SH3D19: variants seen among roughly 807,000 people sequenced by gnomAD.
The protein encoded by SH3D19 is SH3 domain-containing protein 19.
SH3D19 carries 58 observed loss-of-function variants against 112.1 expected under a neutral mutation model. The ratio of observed to expected loss-of-function variants is 0.52; its 90% CI spans 0.42 to 0.64. The LOEUF (loss-of-function observed/expected upper bound fraction) is 0.64, where lower values mean the gene tolerates loss of function less well. SH3D19 is among the 30% of genes least tolerant of loss of function. The pLI is 0.00. For synonymous variants in SH3D19, 391 were observed against 448.5 expected (o/e 0.87, Z 1.62); for missense variants, 1,090 against 1,263.4 (o/e 0.86, Z 2.08).
intron 11 of SH3D19, 27 bp from the exon 12 acceptor site, chr4:151,144,077 A>T (rs1753490416): frequency 1.3e-6 from 2 of 1,595,148 alleles, no homozygotes. Flanking sequence ...CACTCTCTGA[A>T]GCAATTATTA....
rs76012556 is a variant in SH3D19, at chr4:151,242,436, G to A, written c.113-16350C>T. Among the ~76,000 whole-genome samples, 1,487 of 152,222 alleles carry A rather than the reference G, an allele frequency of 9.8e-3. 59 individuals carry two copies. The highest frequency in any genetic ancestry group is 0.07 in the East Asian group (361 of 5,176). On this transcript the variant is annotated intron_variant, in intron 1 of 19. Coordinates refer to ENST00000604030, the MANE Select transcript of SH3D19 (RefSeq NM_001378122.1). ...AATGTGGAAACTGAAGTTCTTAGGG[G>A]ATAAATAACATGCGCAGAGTCACAA...
At chr4:151,288,349 T>C (rs924608680) in intron 1 of SH3D19, among the ~76,000 whole-genome samples, 1 of 152,140 alleles carries the variant, frequency 6.6e-6, no homozygotes, top group Non-Finnish European at 1.5e-5. Context: ...TAGTCACAGA[T>C]GACATGATTT....
At chr4:151,253,498 C>T (rs868032799) in intron 1 of SH3D19, among the ~76,000 whole-genome samples, 7 of 152,098 alleles carry the variant, frequency 4.6e-5, no homozygotes, top group Non-Finnish European at 4.4e-5. Flanking sequence ...CCCAGCACTT[C>T]GGGAGGCCTA....
chr4:151,241,861 T>G (rs1770584691), intron 1 of SH3D19, among the ~76,000 whole-genome samples: 1 of 152,110 alleles, frequency 6.6e-6, no homozygotes, highest in South Asian at 2.1e-4. Context: ...AAGTATGTTT[T>G]CAATGGATAC....
chr4:151,269,787 C>G (rs920249607), intron 1 of SH3D19, among the ~76,000 whole-genome samples: 1 of 151,728 alleles, frequency 6.6e-6, no homozygotes, highest in African/African-American at 2.4e-5. Context: ...ATTCTATATG[C>G]TTTTTTCTCT....
At chr4:151,224,094 G>A (rs1768553119) in intron 2 of SH3D19, among the ~76,000 whole-genome samples, 1 of 152,112 alleles carries the variant, frequency 6.6e-6, no homozygotes, top group African/African-American at 2.4e-5. Flanking sequence ...TGGATCACGA[G>A]GTCAAGAGAT....
chr4:151,302,345 T>C (rs1246525432), intron 1 of SH3D19, among the ~76,000 whole-genome samples: 1 of 152,202 alleles, frequency 6.6e-6, no homozygotes, highest in Non-Finnish European at 1.5e-5. Context: ...AACAACAAAA[T>C]ATGACAGGTA....
At position 151,176,532 on chromosome 4, in the gene SH3D19, A is replaced by G; in HGVS notation, c.529+2T>C. 1 of 1,232,178 alleles carries G rather than the reference A, an allele frequency of 8.1e-7. No individual in the cohort carries two copies. Among genetic ancestry groups the G allele is most frequent in the Non-Finnish European group, 1.0e-6 (1 of 987,970 alleles). The allele number at this position is 1,232,178 out of a possible 1,614,324, so 76.3% of individuals were successfully genotyped here. ...TTAGGGAAGACAAATTACTTGCATT[A>G]CTTTGAGGCAGATCGTTGTCTATTT... On this transcript the variant is annotated splice_donor_variant, in intron 6 of 19. Coordinates refer to ENST00000604030, the MANE Select transcript of SH3D19 (RefSeq NM_001378122.1). LOFTEE classifies it high-confidence loss of function.
intron 1 of SH3D19, 62 bp from the exon 2 acceptor site, chr4:151,226,148 T>G: frequency 1.6e-6 from 2 of 1,231,038 alleles, no homozygotes; most frequent in Non-Finnish European, 2.0e-6. Flanking sequence ...AAAGAAGTTT[T>G]TAAATACCAG....
intron 2 of SH3D19, among the ~76,000 whole-genome samples, chr4:151,193,630 T>C (rs1325186926): frequency 6.6e-6 from 1 of 152,210 alleles, no homozygotes; most frequent in Non-Finnish European, 1.5e-5. Context: ...ACAGTGACTT[T>C]ACTAAGATGG....
At chr4:151,261,218 C>T (rs1195180941) in intron 1 of SH3D19, 1 of 152,136 alleles carries the variant, frequency 6.6e-6, no homozygotes, top group African/African-American at 2.4e-5. Context: ...CTATGATGAC[C>T]CAGGGCAGAG....
chr4:151,312,913 AAT>A (rs1729604973), intron 1 of SH3D19, among the ~76,000 whole-genome samples: 1 of 150,456 alleles, frequency 6.6e-6, no homozygotes. Context: ...AAAAAAAAAA[AAT>A]AAATAAAATA....
At chr4:151,154,503 C>T (rs1213605597) in intron 9 of SH3D19, among the ~76,000 whole-genome samples, 1 of 151,850 alleles carries the variant, frequency 6.6e-6, no homozygotes, top group African/African-American at 2.4e-5. Flanking sequence ...TGGTCTTGAA[C>T]TCCTCACCTC....
At chr4:151,247,385 G>A (rs1771016162) in intron 1 of SH3D19, among the ~76,000 whole-genome samples, 1 of 152,018 alleles carries the variant, frequency 6.6e-6, no homozygotes. Context: ...GGGAAAGGAG[G>A]GTAGCTCTAT....
At chr4:151,155,923 A>G (rs1345597243) in intron 9 of SH3D19, among the ~76,000 whole-genome samples, 1 of 152,118 alleles carries the variant, frequency 6.6e-6, no homozygotes, top group Non-Finnish European at 1.5e-5. Flanking sequence ...AGAAAAACCT[A>G]AAGACTCTAC....
At chr4:151,319,330 G>A (rs959312199) in intron 1 of SH3D19, among the ~76,000 whole-genome samples, 1 of 152,214 alleles carries the variant, frequency 6.6e-6, no homozygotes, top group Non-Finnish European at 1.5e-5. Flanking sequence ...GATTACAGGC[G>A]TAAGCCACTG....
At chr4:151,126,779 C>G (rs1388896704) in intron 19 of SH3D19, among the ~76,000 whole-genome samples, 3 of 121,938 alleles carry the variant, frequency 2.5e-5, no homozygotes, top group Non-Finnish European at 4.8e-5. Context: ...GCCTGGGTGA[C>G]AGAGCGAGAC....
chr4:151,185,349 C>T (rs770670925), intron 3 of SH3D19, among the ~76,000 whole-genome samples: 24 of 152,076 alleles, frequency 1.6e-4, no homozygotes, highest in Non-Finnish European at 3.2e-4. Context: ...TCAGCGTCTC[C>T]AAGATTCTAT....
intron 1 of SH3D19, among the ~76,000 whole-genome samples, chr4:151,257,640 G>T (rs1772039008): frequency 6.6e-6 from 1 of 152,090 alleles, no homozygotes; most frequent in African/African-American, 2.4e-5. Context: ...ACCGTGGCTG[G>T]GTGCGGTGGC....
Sources: allele counts gnomAD v4.1 joint callset (sites outside exome capture counted in the v4.1 genomes callset), GRCh38; gene constraint gnomAD v4.1.1; transcripts MANE v1.5; gene names NCBI Gene and HGNC (gene_info 2026-07-23, HGNC 2026-07-21).